MSC: variants seen among roughly 807,000 people sequenced by gnomAD.
MSC encodes the protein activated B-cell factor 1, homolog of mouse musculin.
In MSC, 16 loss-of-function variants were observed where a neutral mutation model predicts 14.4. That is an observed-to-expected ratio of 1.11 (90% confidence interval 0.75 to 1.69). The LOEUF (loss-of-function observed/expected upper bound fraction) is 1.69, where lower values mean the gene tolerates loss of function less well. MSC is among the 40% of genes most tolerant of loss of function. The pLI is 0.00. For missense variants in MSC, 320 were observed against 288.1 expected, an observed-to-expected ratio of 1.11 and a Z score of -0.80; for synonymous variants, 165 against 128.5, an observed-to-expected ratio of 1.28 and a Z score of -1.92.
In MSC at chr8:71,842,765, C is replaced by A. The variant is rs1358903900; in HGVS notation, c.535-18G>T. The A allele has an allele frequency of 6.2e-7, 1 of 1,609,808 alleles. No individual in the cohort carries two copies. ...GGCCATGTCTGTAAATCAAAAAGAA[C>A]GTGAGATATTAGAGAGAAACGATTG... On this transcript the variant is annotated intron_variant, in intron 1 of 1. Coordinates refer to ENST00000325509, the MANE Select transcript of MSC (RefSeq NM_005098.4).
Position 71,842,813 on chromosome 8 carries a change from T to C in MSC, c.535-66A>G, listed in dbSNP as rs1267617359. 35 of 1,366,940 alleles carry C rather than the reference T, an allele frequency of 2.6e-5. No individual in the cohort carries two copies. In the South Asian group the frequency reaches 3.8e-4, roughly 15 times the overall value. The allele number at this position is 1,366,940 out of a possible 1,614,324, so 84.7% of individuals were successfully genotyped here. A position where few individuals can be genotyped will look rare whatever the true frequency, so the allele number is the denominator to read the frequency against. On this transcript the variant is annotated intron_variant, in intron 1 of 1. Coordinates refer to ENST00000325509, the MANE Select transcript of MSC (RefSeq NM_005098.4). ...TTGTCTCAAACCGAAACAGCTCTCC[T>C]ACGCGAACCCCAGATATTCCTGACT...
At position 71,844,307 on chromosome 8, in the gene MSC, G is replaced by C; in HGVS notation, c.-129C>G. The C allele has an allele frequency of 7.5e-7, 1 of 1,340,084 alleles. No homozygotes were observed. Among genetic ancestry groups the C allele is most frequent in the Non-Finnish European group, 1.0e-6 (1 of 966,514 alleles). The allele number at this position is 1,340,084 out of a possible 1,614,324, so 83.0% of individuals were successfully genotyped here. On this transcript the variant is annotated 5_prime_UTR_variant, in exon 1 of 2. Transcript: ENST00000325509. ...CCAAGGAAGACTAAAAACCCAGGCCGGGAAGCGCGGGGTGAGAAAGCGAGG... is the reference window on the plus strand; with the variant it reads ...CCAAGGAAGACTAAAAACCCAGGCCCGGAAGCGCGGGGTGAGAAAGCGAGG...
chr8:71,843,052 A>G (rs897775239), intron 1 of MSC: 116 of 251,258 alleles, frequency 4.6e-4, no homozygotes, highest in African/African-American at 6.5e-4. Context: ...ACACACACGC[A>G]CACACACACA....
chr8:71,844,203 C>A lies in MSC; in HGVS notation c.-25G>T. ...TCCCGTTGTCCCCCTTGCCCACACG[C>A]GTCCTCTTTCCTCCCCCCTGGCCAG... On this transcript the variant is annotated 5_prime_UTR_variant, in exon 1 of 2. Transcript: ENST00000325509. 1 of 1,597,168 alleles carries A rather than the reference C, an allele frequency of 6.3e-7. No individual in the cohort carries two copies. Among genetic ancestry groups the A allele is most frequent in the Non-Finnish European group, 8.5e-7 (1 of 1,170,944 alleles).
Position 71,843,958 on chromosome 8 carries a change from C to A in MSC, c.221G>T (p.Arg74Leu). 6.4e-7 allele frequency: 1 copy of A among 1,561,718 alleles called. No individual in the cohort carries two copies. The highest frequency in any genetic ancestry group is 8.7e-7 in the Non-Finnish European group (1 of 1,155,434). The stretch of plus-strand genomic sequence containing the variant: ...GCCGCCGCCCCCAGCCACACGGGGC[C>A]GCTTCCTCTTGCAGCCTTCCGCGCT... ...AGSAEGCKRK[R>L]PRVAGGGGAG... is the part of the protein sequence containing the mutation. Residue 74 changes from arginine (R) to leucine (L), a missense_variant, in exon 1 of 2, where the codon CGG (arginine) becomes CTG (leucine). Coordinates refer to ENST00000325509, the MANE Select transcript of MSC (RefSeq NM_005098.4).
Position 71,843,951 on chromosome 8 carries a change from A to T in MSC, c.228T>A (p.Arg76=). Residue 76 remains arginine, a synonymous_variant, in exon 1 of 2, where the codon CGT becomes CGA. Coordinates refer to ENST00000325509, the MANE Select transcript of MSC (RefSeq NM_005098.4). Reference sequence around the variant, plus strand: ...CACCTGCGCCGCCGCCCCCAGCCACACGGGGCCGCTTCCTCTTGCAGCCTT... The same window carrying T: ...CACCTGCGCCGCCGCCCCCAGCCACTCGGGGCCGCTTCCTCTTGCAGCCTT... ...SAEGCKRKRP[R]VAGGGGAGGS... 6.4e-7 allele frequency: 1 copy of T among 1,562,268 alleles called. No individual in the cohort carries two copies. The highest frequency in any genetic ancestry group is 8.7e-7 in the Non-Finnish European group (1 of 1,155,666).
At position 71,844,040 on chromosome 8, in the gene MSC, C is replaced by T. The variant is rs1488711959; in HGVS notation, c.139G>A (p.Ala47Thr). ...TCGCCGTCGGGGTCCTCCTCCTCTG[C>T]CGACGAGTTGTCACTGGGCGAGGCG... ...SYASPSDNSS[A>T]EEEDPDGEEE... is the part of the protein sequence containing the mutation. Residue 47 changes from alanine to threonine, a missense_variant, in exon 1 of 2, where the codon GCA becomes ACA. Coordinates refer to ENST00000325509, the MANE Select transcript of MSC (RefSeq NM_005098.4). 2 of 1,567,304 alleles carry T rather than the reference C, an allele frequency of 1.3e-6. No homozygotes were observed. The highest frequency in any genetic ancestry group is 1.7e-6 in the Non-Finnish European group (2 of 1,159,274).
chr8:71,843,836 G>C lies in MSC; in HGVS notation c.343C>G (p.Arg115Gly). 2 of 1,613,228 alleles carry C rather than the reference G, an allele frequency of 1.2e-6. No individual in the cohort carries two copies. The highest frequency in any genetic ancestry group is 1.1e-5 in the South Asian group (1 of 91,068). Reference protein sequence around the residue: ...KQSQRNAANARERARMRVLSK... With the variant: ...KQSQRNAANAGERARMRVLSK... ...AGCACGCGCATCCGGGCACGCTCAC[G>C]GGCGTTGGCCGCGTTCCGCTGCGAC... Residue 115 changes from arginine (R) to glycine (G), a missense_variant, in exon 1 of 2, where the codon CGT (arginine) becomes GGT (glycine). Physicochemically the swap from Arg to Gly is moderately radical, Grantham distance 125 (BLOSUM62 -2). Transcript: ENST00000325509.
At position 71,843,636 on chromosome 8, in the gene MSC, C is replaced by A. The variant is rs1186481204; in HGVS notation, c.534+9G>T. ...TGCTCTCCCGAATCCTTGCGCGCCG[C>A]GCCCCTACCAGGTTCACTGGGTGCA... On this transcript the variant is annotated intron_variant, in intron 1 of 1. Coordinates refer to ENST00000325509, the MANE Select transcript of MSC (RefSeq NM_005098.4). 4 of 1,614,006 alleles carry A rather than the reference C, an allele frequency of 2.5e-6. No homozygotes were observed. In the African/African-American group the frequency reaches 5.3e-5, roughly 22 times the overall value.
At position 71,842,448 on chromosome 8, in the gene MSC, G is replaced by T. The variant is rs1807402237; in HGVS notation, c.*213C>A. The stretch of plus-strand genomic sequence containing the variant: ...GAAGCTCTTTTTGGAGAGGCAAAAC[G>T]TGGTCGCCCAGATCCGGCGCAGCTG... On this transcript the variant is annotated 3_prime_UTR_variant, in exon 2 of 2. Transcript: ENST00000325509. The T allele has an allele frequency of 2.0e-5, 12 of 596,842 alleles. No homozygotes were observed. In the East Asian group the frequency reaches 3.5e-4, roughly 17 times the overall value. The allele number at this position is 596,842 out of a possible 1,614,324, so 37.0% of individuals were successfully genotyped here. A position where few individuals can be genotyped will look rare whatever the true frequency, so the allele number is the denominator to read the frequency against.
At position 71,844,202 on chromosome 8, in the gene MSC, G is replaced by T. The variant is rs1807461933; in HGVS notation, c.-24C>A. On this transcript the variant is annotated 5_prime_UTR_variant, in exon 1 of 2. Coordinates refer to ENST00000325509, the MANE Select transcript of MSC (RefSeq NM_005098.4). ...ATCCCGTTGTCCCCCTTGCCCACAC[G>T]CGTCCTCTTTCCTCCCCCCTGGCCA... The T allele has an allele frequency of 1.3e-6, 2 of 1,596,400 alleles. No individual in the cohort carries two copies. Among genetic ancestry groups the T allele is most frequent in the South Asian group, 1.1e-5 (1 of 90,074 alleles).
chr8:71,843,005 GGTTCTGTCGTTTA>G (rs1366502759), intron 1 of MSC: 2 of 416,268 alleles, frequency 4.8e-6, no homozygotes, highest in Admixed American at 3.5e-5. Context: ...CTGACTTTGA[GGTTCTGTCGTTTA>G]GTTCCCTTCC....
chr8:71,842,976 A>C (rs533376754), intron 1 of MSC: 4 of 466,666 alleles, frequency 8.6e-6, no homozygotes, highest in Non-Finnish European at 1.6e-5. Context: ...TGCCCGCAGG[A>C]TAATTTGGTG....
rs1807453502 is a variant in MSC, at chr8:71,844,008, C to T, written c.171G>A (p.Glu57=). ...AEEEDPDGEE[E]RCALGTAGSA... Reference sequence around the variant, plus strand: ...TGCCGGCTGTGCCCAGAGCGCAGCGCTCCTCCTCGCCGTCGGGGTCCTCCT... The same window carrying T: ...TGCCGGCTGTGCCCAGAGCGCAGCGTTCCTCCTCGCCGTCGGGGTCCTCCT... Residue 57 remains glutamate (E), a synonymous_variant, in exon 1 of 2, where the codon GAG becomes GAA. Transcript: ENST00000325509. The T allele has an allele frequency of 1.3e-6, 2 of 1,572,828 alleles. No individual in the cohort carries two copies. The highest frequency in any genetic ancestry group is 1.7e-6 in the Non-Finnish European group (2 of 1,160,762).
chr8:71,843,050 GCACACA>G (rs59293389), intron 1 of MSC: 47 of 168,590 alleles, frequency 2.8e-4, no homozygotes, highest in Admixed American at 1.1e-3. Flanking sequence ...ACACACACAC[GCACACA>G]CACACACACA....
chr8:71,843,655 G>A lies in MSC; in HGVS notation c.524C>T (p.Pro175Leu). ...EDRYENGYVH[P>L]VNLTWPFVVS... ...GCGCCGCGCCCCTACCAGGTTCACT[G>A]GGTGCACGTAGCCGTTCTCATAGCG... The change falls in exon 1 of 2, where the codon CCA becomes CTA. Residue 175 changes from proline to leucine, a missense_variant. Physicochemically the swap from Pro to Leu is moderately conservative, Grantham distance 98 (BLOSUM62 -3). Coordinates refer to ENST00000325509, the MANE Select transcript of MSC (RefSeq NM_005098.4). 1 of 1,614,212 alleles carries A rather than the reference G, an allele frequency of 6.2e-7. No individual in the cohort carries two copies. The highest frequency in any genetic ancestry group is 1.7e-5 in the Admixed American group (1 of 60,034).
chr8:71,843,803 CTT>C lies in MSC; in HGVS notation c.374_375del (p.Lys125SerfsTer17). ...AGGCTGGTCTTGAGCCTGGAGAAGG[CTT>C]TGCTCAGCACGCGCATCCGGGCACG... ...RERARMRVLS[K>X]AFSRLKTSLP... On this transcript the variant is annotated frameshift_variant, in exon 1 of 2. Coordinates refer to ENST00000325509, the MANE Select transcript of MSC (RefSeq NM_005098.4). LOFTEE classifies it high-confidence loss of function. The C allele has an allele frequency of 1.2e-6, 2 of 1,613,764 alleles. No homozygotes were observed. Among genetic ancestry groups the C allele is most frequent in the Non-Finnish European group, 1.7e-6 (2 of 1,179,958 alleles).
intron 1 of MSC, chr8:71,843,066 ACACACACACACACACAGTCATC>A: frequency 2.8e-6 from 1 of 362,572 alleles, no homozygotes; most frequent in Non-Finnish European, 5.3e-6. Context: ...ACACACACAC[ACACACACACACACACAGTCATC>A]CACTCCAAGC....
At chr8:71,843,542 C>T (rs1204994525) in intron 1 of MSC, 103 bp downstream of exon 1, 2 of 1,464,140 alleles carry the variant, frequency 1.4e-6, no homozygotes, top group South Asian at 1.2e-5. Flanking sequence ...AGAACCTCCA[C>T]CCCTTTCGAA....
Sources: allele counts gnomAD v4.1 joint callset, GRCh38; gene constraint gnomAD v4.1.1; transcripts MANE v1.5; gene names NCBI Gene and HGNC (gene_info 2026-07-23, HGNC 2026-07-21).